The following XKR6 variants were observed in gnomAD, a reference collection of about 807,000 sequenced individuals.
XKR6 encodes the protein XK related 6.
A neutral mutation model predicts 56.7 loss-of-function variants in XKR6; 22 were observed. That is an observed-to-expected ratio of 0.39 (90% CI 0.28 to 0.55). The LOEUF (loss-of-function observed/expected upper bound fraction) is 0.55, where lower values mean the gene tolerates loss of function less well. Among genes scored for constraint, XKR6 ranks in the 20% least tolerant of loss-of-function variants. XKR6 has a pLI of 0.66. For missense variants in XKR6, 852 were observed against 889.0 expected, an observed-to-expected ratio of 0.96 and a Z score of 0.53; for synonymous variants, 524 against 387.8, an observed-to-expected ratio of 1.35 and a Z score of -4.13.
At chr8:11,093,641 T>A (rs1214497748) in intron 1 of XKR6, among the ~76,000 whole-genome samples, 1 of 128,646 alleles carries the variant, frequency 7.8e-6, no homozygotes, top group Admixed American at 7.2e-5. Context: ...TACTTAAATA[T>A]TGGAAAAGGA....
intron 1 of XKR6, among the ~76,000 whole-genome samples, chr8:11,131,164 T>C (rs1800084644): frequency 6.6e-6 from 1 of 152,186 alleles, no homozygotes; most frequent in East Asian, 1.9e-4. Flanking sequence ...TCAGCATTTG[T>C]ACACTCTGGT....
intron 2 of XKR6, among the ~76,000 whole-genome samples, chr8:10,924,287 C>T (rs1468818617): frequency 6.6e-6 from 1 of 152,270 alleles, no homozygotes; most frequent in Admixed American, 6.5e-5. Context: ...GGCTTCCCCT[C>T]CCATAGATGT....
At chr8:10,912,927 A>G (rs1209802327) in intron 2 of XKR6, among the ~76,000 whole-genome samples, 1 of 150,954 alleles carries the variant, frequency 6.6e-6, no homozygotes, top group Non-Finnish European at 1.5e-5. Flanking sequence ...ATCTATATGT[A>G]GAGAGTGTAT....
At chr8:10,900,356 T>A (rs187973369) in intron 2 of XKR6, among the ~76,000 whole-genome samples, 11 of 152,170 alleles carry the variant, frequency 7.2e-5, no homozygotes, top group African/African-American at 2.7e-4. Context: ...CGAAGCCCGA[T>A]GAAGAATCCG....
intron 1 of XKR6, among the ~76,000 whole-genome samples, chr8:11,091,739 G>A (rs1798080326): frequency 6.6e-6 from 1 of 152,098 alleles, no homozygotes; most frequent in African/African-American, 2.4e-5. Context: ...CGTGGGGCCG[G>A]GTGAGTTACC....
chr8:11,112,906 T>C (rs1798975426), intron 1 of XKR6, among the ~76,000 whole-genome samples: 1 of 152,220 alleles, frequency 6.6e-6, no homozygotes, highest in South Asian at 2.1e-4. Flanking sequence ...ACTCTCAACA[T>C]CTGAGATTAA....
intron 1 of XKR6, among the ~76,000 whole-genome samples, chr8:11,161,189 G>C (rs1276967212): frequency 3.3e-5 from 5 of 152,154 alleles, no homozygotes; most frequent in African/African-American, 1.2e-4. Flanking sequence ...ATATAGGATG[G>C]AATTCAAGGA....
rs528651417 is a variant in XKR6 at position 10,938,390 on chromosome 8, C to T, written c.765-13560G>A. 6.6e-5 allele frequency among the ~76,000 whole-genome samples: 10 copies of T among 152,320 alleles called. No individual in the cohort carries two copies. In the East Asian group the frequency reaches 1.2e-3, roughly 18 times the overall value. On this transcript the variant is annotated intron_variant, in intron 1 of 2. Transcript: ENST00000416569. ...ATCGCTCACGCTGGGAGCTGTAGAG[C>T]GGAGCTGTTCCTATTCGGCCATCTT...
chr8:11,191,521 T>A (rs982664240), intron 1 of XKR6, among the ~76,000 whole-genome samples: 2 of 152,074 alleles, frequency 1.3e-5, no homozygotes, highest in African/African-American at 2.4e-5. Context: ...GATGCCAACA[T>A]GAAGAAAGCA....
At position 10,927,640 on chromosome 8, in the gene XKR6, C is replaced by A. The variant is rs539752384; in HGVS notation, c.765-2810G>T. Among the ~76,000 whole-genome samples, 9 of 152,306 alleles carry A rather than the reference C, an allele frequency of 5.9e-5. No homozygotes were observed. The South Asian group carries it at 1.9e-3, about 32-fold the overall frequency. On this transcript the variant is annotated intron_variant, in intron 1 of 2. Coordinates refer to ENST00000416569, the MANE Select transcript of XKR6 (RefSeq NM_173683.4). The stretch of plus-strand genomic sequence containing the variant: ...CAGTTCTACCCTTCCACGCCACATT[C>A]TCCCAAAGCCACAGGCCCCTCTGCC...
chr8:10,958,856 T>C (rs922563003), intron 1 of XKR6, among the ~76,000 whole-genome samples: 1 of 152,238 alleles, frequency 6.6e-6, no homozygotes, highest in African/African-American at 2.4e-5. Context: ...GGAACTATTA[T>C]TGTCATCACA....
chr8:11,110,254 T>G (rs772227985), intron 1 of XKR6, among the ~76,000 whole-genome samples: 3 of 152,216 alleles, frequency 2.0e-5, no homozygotes, highest in African/African-American at 4.8e-5. Context: ...ATTACAGGCG[T>G]GAGCCACTGC....
intron 1 of XKR6, among the ~76,000 whole-genome samples, chr8:10,942,493 C>T (rs1462180926): frequency 6.6e-6 from 1 of 152,240 alleles, no homozygotes; most frequent in Non-Finnish European, 1.5e-5. Flanking sequence ...CTGCCTGCTC[C>T]CGGTCACTCG....
At chr8:11,148,342 A>G (rs1801098169) in intron 1 of XKR6, among the ~76,000 whole-genome samples, 1 of 152,274 alleles carries the variant, frequency 6.6e-6, no homozygotes, top group Non-Finnish European at 1.5e-5. Context: ...GTGCATGCTC[A>G]GAGCAAAGCC....
intron 1 of XKR6, among the ~76,000 whole-genome samples, chr8:10,953,437 C>G (rs1031585992): frequency 6.6e-6 from 1 of 152,144 alleles, no homozygotes; most frequent in African/African-American, 2.4e-5. Flanking sequence ...TCCCTAGAAG[C>G]AAATGCCCAT....
At chr8:11,104,497 G>A (rs543605914) in intron 1 of XKR6, among the ~76,000 whole-genome samples, 1 of 152,338 alleles carries the variant, frequency 6.6e-6, no homozygotes, top group Non-Finnish European at 1.5e-5. Flanking sequence ...GAAAATGAAG[G>A]CAATCGCCAC....
chr8:10,962,775 G>A (rs917146131), intron 1 of XKR6, among the ~76,000 whole-genome samples: 39 of 152,016 alleles, frequency 2.6e-4, no homozygotes, highest in African/African-American at 3.4e-4. Flanking sequence ...ACAGGCCCCC[G>A]CCACCACACC....
intron 1 of XKR6, among the ~76,000 whole-genome samples, chr8:11,052,491 G>A (rs1799575847): frequency 6.6e-6 from 1 of 152,210 alleles, no homozygotes; most frequent in African/African-American, 2.4e-5. Context: ...CATCTGGCAT[G>A]CAGATGGCGC....
chr8:10,897,843 TG>T lies in XKR6; in HGVS notation c.*108del. On this transcript the variant is annotated 3_prime_UTR_variant, in exon 3 of 3. Transcript: ENST00000416569. ...GGTGTTGGTGTGGCGGTGTTGGTGG[TG>T]GTGGCGGTGGTTCTGTGTATTGGGG... 7.3e-7 allele frequency: 1 copy of T among 1,372,818 alleles called. No individual in the cohort carries two copies. 85.0% of individuals were successfully genotyped at this position (1,372,818 alleles called of 1,614,324 possible).
Sources: gnomAD v4.1 joint callset for allele counts (sites outside exome capture counted in the v4.1 genomes callset) on GRCh38, gnomAD v4.1.1 for gene constraint, MANE v1.5 for transcripts, NCBI Gene and HGNC (gene_info 2026-07-23, HGNC 2026-07-21) for gene names.